Variants in SLC12A2 observed in about 807,000 individuals in gnomAD.
The protein encoded by SLC12A2 is solute carrier family 12 member 2.
SLC12A2 carries 67 observed loss-of-function variants against 136.3 expected under a neutral mutation model. The observed-to-expected ratio is 0.49, with a 90% CI of 0.40 to 0.60. The LOEUF (loss-of-function observed/expected upper bound fraction) is 0.60, where lower values mean the gene tolerates loss of function less well. Ranked by LOEUF, SLC12A2 falls within the 20% of genes least tolerant of loss-of-function variation. The pLI is 0.00. For missense variants in SLC12A2, 1,322 were observed against 1,534.7 expected (o/e 0.86, Z 2.32); for synonymous variants, 619 against 562.9 (o/e 1.10, Z -1.41).
chr5:128,149,935 C>T, intron 12 of SLC12A2, 62 bp from the exon 13 acceptor site: 1 of 1,106,824 alleles, frequency 9.0e-7, no homozygotes, highest in East Asian at 2.4e-5. Flanking sequence ...TGAAATACTT[C>T]ATAATTTTAA....
At chr5:128,144,089 A>C (rs1023973679) in intron 10 of SLC12A2, among the ~76,000 whole-genome samples, 3 of 152,086 alleles carry the variant, frequency 2.0e-5, no homozygotes, top group Non-Finnish European at 4.4e-5. Context: ...ATTCAGGCCA[A>C]TTCTGACATT....
intron 1 of SLC12A2, among the ~76,000 whole-genome samples, chr5:128,102,596 C>CTCTCTT (rs1760783444): frequency 2.5e-5 from 1 of 40,450 alleles, no homozygotes. Context: ...CCCCCCCCGC[C>CTCTCTT]TTTTTTTTTT....
Position 128,084,151 on chromosome 5 carries a change from A to G in SLC12A2, c.197A>G (p.Asp66Gly). The G allele has an allele frequency of 1.5e-6, 2 of 1,294,872 alleles. No individual in the cohort carries two copies. The highest frequency in any genetic ancestry group is 1.9e-6 in the Non-Finnish European group (2 of 1,027,704). The allele number at this position is 1,294,872 out of a possible 1,614,324, so 80.2% of individuals were successfully genotyped here. A position where few individuals can be genotyped will look rare whatever the true frequency, so the allele number is the denominator to read the frequency against. Reference protein sequence around the residue: ...VRDEGPAAAGDGLGRPLGPTP... With the variant: ...VRDEGPAAAGGGLGRPLGPTP... ...GATGAGGGCCCCGCGGCGGCCGGGGACGGGCTGGGCAGACCCTTGGGGCCC... is the reference window on the plus strand; with the variant it reads ...GATGAGGGCCCCGCGGCGGCCGGGGGCGGGCTGGGCAGACCCTTGGGGCCC... Residue 66 changes from aspartate to glycine, a missense_variant, in exon 1 of 27, where the codon GAC becomes GGC. Asp to Gly is a moderately conservative substitution (Grantham distance 94). This residue lies in a region of SLC12A2 where 358 missense variants were observed against 299.7 expected (regional missense o/e 1.19). Transcript: ENST00000262461. The surrounding 1 kb of genome is among the most constrained non-coding windows in gnomAD (Gnocchi z 5.6).
intron 14 of SLC12A2, 56 bp downstream of exon 14, chr5:128,151,452 A>C (rs1762698230): frequency 6.9e-7 from 1 of 1,448,732 alleles, no homozygotes; most frequent in Non-Finnish European, 9.4e-7. Flanking sequence ...AAGCTAGAAA[A>C]CATCTAGAAG....
chr5:128,129,501 A>G (rs1391580239), intron 4 of SLC12A2, among the ~76,000 whole-genome samples: 3 of 151,696 alleles, frequency 2.0e-5, no homozygotes, highest in Admixed American at 2.0e-4. Flanking sequence ...TTTCAGGATC[A>G]TGAAAACTAA....
Position 128,184,816 on chromosome 5 carries a change from T to G in SLC12A2, c.3463T>G (p.Leu1155Val), listed in dbSNP as rs1763818686. 6.2e-7 allele frequency: 1 copy of G among 1,607,920 alleles called. No individual in the cohort carries two copies. Among genetic ancestry groups the G allele is most frequent in the South Asian group, 1.1e-5 (1 of 90,914 alleles). ...KTYRQIRLNELLKEHSSTANI... is the reference protein window; with the variant it reads ...KTYRQIRLNEVLKEHSSTANI... ...ATACCGGCAGATCAGGTTAAATGAG[T>G]TATTAAAGGAACATTCAAGCACAGC... The change falls in exon 26 of 27, where the codon TTA (leucine) becomes GTA (valine). Residue 1155 changes from leucine (L) to valine (V), a missense_variant. Transcript: ENST00000262461.
intron 18 of SLC12A2, chr5:128,170,045 A>C (rs1561701163): frequency 6.6e-6 from 1 of 152,182 alleles, no homozygotes. Flanking sequence ...ACTTCCACTG[A>C]TGTTTTAGCT....
chr5:128,122,027 C>T (rs1581084235), intron 4 of SLC12A2, among the ~76,000 whole-genome samples: 1 of 152,112 alleles, frequency 6.6e-6, no homozygotes, highest in South Asian at 2.1e-4. Flanking sequence ...TGCAGGCAGC[C>T]GTTCATAAGA....
At chr5:128,145,610 T>G (rs1483559105) in intron 10 of SLC12A2, among the ~76,000 whole-genome samples, 2 of 152,118 alleles carry the variant, frequency 1.3e-5, no homozygotes, top group African/African-American at 2.4e-5. Context: ...CTTAGAAGTC[T>G]GCTACTGTCT....
chr5:128,089,613 CAG>C (rs1330204073), intron 1 of SLC12A2, among the ~76,000 whole-genome samples: 2 of 152,152 alleles, frequency 1.3e-5, no homozygotes, highest in African/African-American at 4.8e-5. Context: ...ATATAACTGA[CAG>C]AAATCAAGAG....
intron 3 of SLC12A2, 72 bp from the exon 4 acceptor site, chr5:128,114,514 C>A (rs1761274909): frequency 9.4e-7 from 1 of 1,066,238 alleles, no homozygotes; most frequent in South Asian, 1.4e-5. Flanking sequence ...ATTCTTAGAC[C>A]AACCAGTTTT....
chr5:128,135,001 A>G (rs544499942), intron 6 of SLC12A2, among the ~76,000 whole-genome samples: 2 of 152,220 alleles, frequency 1.3e-5, no homozygotes, highest in South Asian at 4.1e-4. Flanking sequence ...TAAATCATTT[A>G]TTTACACATT....
At chr5:128,107,281 G>A (rs1016688016) in intron 1 of SLC12A2, among the ~76,000 whole-genome samples, 24 of 151,894 alleles carry the variant, frequency 1.6e-4, no homozygotes, top group African/African-American at 4.3e-4. Flanking sequence ...TTCTTTTACC[G>A]TTTATGCACA....
chr5:128,131,988 A>G (rs992247574), intron 5 of SLC12A2, among the ~76,000 whole-genome samples: 7 of 152,238 alleles, frequency 4.6e-5, no homozygotes, highest in Non-Finnish European at 8.8e-5. Context: ...CTGGGCAGCA[A>G]GAGTGAAACT....
At chr5:128,161,475 A>G (rs1467111204) in intron 16 of SLC12A2, among the ~76,000 whole-genome samples, 185 bp from the exon 17 acceptor site, 2 of 152,096 alleles carry the variant, frequency 1.3e-5, no homozygotes, top group African/African-American at 2.4e-5. Context: ...TAGCTATTCC[A>G]TCACCTCTAC....
intron 16 of SLC12A2, 116 bp from the exon 17 acceptor site, chr5:128,161,544 T>C: frequency 3.8e-6 from 2 of 520,346 alleles, no homozygotes; most frequent in Non-Finnish European, 6.1e-6. Context: ...ATTATTATAC[T>C]TCTGACCCTA....
intron 5 of SLC12A2, among the ~76,000 whole-genome samples, chr5:128,133,108 A>G (rs3805604): frequency 0.14 from 21,668 of 151,904 alleles, 1,786 homozygotes; most frequent in East Asian, 0.25. Flanking sequence ...TCCAAATGCT[A>G]TAGGGAATTT....
At position 128,084,577 on chromosome 5, in the gene SLC12A2, A is replaced by G. The variant is rs746282250; in HGVS notation, c.623A>G (p.Tyr208Cys). Residue 208 changes from tyrosine to cysteine, a missense_variant, in exon 1 of 27, where the codon TAC becomes TGC. This residue lies in a region of SLC12A2 where 32 missense variants were observed against 63.6 expected (regional missense o/e 0.50). Coordinates refer to ENST00000262461, the MANE Select transcript of SLC12A2 (RefSeq NM_001046.3). The surrounding 1 kb of genome is among the most constrained non-coding windows in gnomAD (Gnocchi z 5.6). ...HYYYDTHTNT[Y>C]YLRTFGHNTM... is the part of the protein sequence containing the mutation. ...TATTATGATACCCACACCAACACCTACTACCTGCGCACCTTCGGCCACAAC... is the reference window on the plus strand; with the variant it reads ...TATTATGATACCCACACCAACACCTGCTACCTGCGCACCTTCGGCCACAAC... 3 of 1,613,636 alleles carry G rather than the reference A, an allele frequency of 1.9e-6. No individual in the cohort carries two copies. Among genetic ancestry groups the G allele is most frequent in the East Asian group, 4.5e-5 (2 of 44,870 alleles).
chr5:128,144,583 T>C (rs759366471), intron 10 of SLC12A2, among the ~76,000 whole-genome samples: 1 of 152,212 alleles, frequency 6.6e-6, no homozygotes, highest in Non-Finnish European at 1.5e-5. Context: ...CACTGTTGCC[T>C]AATAAACAAA....
Sources: gnomAD v4.1 joint callset for allele counts (sites outside exome capture counted in the v4.1 genomes callset) on GRCh38, gnomAD v4.1.1 for gene constraint, gnomAD v4.1.1 regional missense constraint, Gnocchi (gnomAD v3.1) non-coding constraint, MANE v1.5 for transcripts, NCBI Gene and HGNC (gene_info 2026-07-23, HGNC 2026-07-21) for gene names.